GLB1: variants seen among roughly 807,000 people sequenced by gnomAD.
GLB1 encodes beta-galactosidase.
GLB1 carries 56 observed loss-of-function variants against 74.0 expected under a neutral mutation model. The ratio of observed to expected loss-of-function variants is 0.76; its 90% CI spans 0.61 to 0.94. GLB1 has a LOEUF of 0.94. Ranked by LOEUF, GLB1 falls within the 40% of genes least tolerant of loss-of-function variation. The pLI, the probability that GLB1 is intolerant of heterozygous loss-of-function variation, is 0.00. For missense variants in GLB1, 787 were observed against 845.5 expected, an observed-to-expected ratio of 0.93 and a Z score of 0.86; for synonymous variants, 323 against 323.6, an observed-to-expected ratio of 1.00 and a Z score of 0.02.
In GLB1 at chr3:33,068,856, C is replaced by A; in HGVS notation, c.360G>T (p.Leu120=). The A allele has an allele frequency of 6.2e-7, 1 of 1,614,138 alleles. No homozygotes were observed. Among genetic ancestry groups the A allele is most frequent in the Non-Finnish European group, 8.5e-7 (1 of 1,180,022 alleles). ...CTGCACAGATGTAGGGCCCGGGCCT[C>A]AGGATAACCAGCAGTCCCAGCTCAT... ...LAHELGLLVI[L]RPGPYICAEW... The change falls in exon 3 of 16, where the codon CTG becomes CTT. Residue 120 remains leucine, a synonymous_variant. Coordinates refer to ENST00000307363, the MANE Select transcript of GLB1 (RefSeq NM_000404.4).
the GLB1 span, among the ~76,000 whole-genome samples, chr3:32,989,477 C>T: frequency 6.6e-6 from 1 of 152,122 alleles, no homozygotes; most frequent in Admixed American, 6.6e-5. Context: ...GAGAGGGATG[C>T]CCAGCCTTGT....
At chr3:32,996,572 A>T (rs774652852), downstream of GLB1, 12 of 223,698 alleles carry the variant, frequency 5.4e-5, no homozygotes, top group Non-Finnish European at 8.1e-5. Flanking sequence ...TCAAATAACG[A>T]TCAGAAAAGC....
At chr3:32,976,290 A>G in the GLB1 span, among the ~76,000 whole-genome samples, 1 of 152,128 alleles carries the variant, frequency 6.6e-6, no homozygotes, top group Non-Finnish European at 1.5e-5. Context: ...GCCTCAGAAG[A>G]CTTACTGGAG....
the GLB1 span, among the ~76,000 whole-genome samples, chr3:32,969,358 AAG>A: frequency 6.6e-6 from 1 of 152,206 alleles, no homozygotes; most frequent in Non-Finnish European, 1.5e-5. Context: ...TAAAGAAAAA[AAG>A]ACTTTTAACC....
chr3:33,051,157 C>T (rs1177694102), intron 9 of GLB1, among the ~76,000 whole-genome samples: 5 of 141,868 alleles, frequency 3.5e-5, no homozygotes, highest in African/African-American at 8.1e-5. Flanking sequence ...GATGTGAACC[C>T]GGGAGGCAGA....
chr3:33,017,888 A>C (rs1697299024), intron 13 of GLB1, among the ~76,000 whole-genome samples: 1 of 152,166 alleles, frequency 6.6e-6, no homozygotes, highest in South Asian at 2.1e-4. Context: ...TGGCGCATCA[A>C]GCACAGCCCT....
chr3:33,018,763 C>T (rs749550354), intron 12 of GLB1, among the ~76,000 whole-genome samples: 23 of 152,076 alleles, frequency 1.5e-4, no homozygotes, highest in Non-Finnish European at 1.5e-4. Flanking sequence ...TAGTAAACTG[C>T]AAGGAACCAT....
chr3:33,049,782 C>A (rs1698900777), intron 9 of GLB1, among the ~76,000 whole-genome samples: 1 of 152,184 alleles, frequency 6.6e-6, no homozygotes, highest in Non-Finnish European at 1.5e-5. Flanking sequence ...TCCCCTCACC[C>A]ACCCAGACAC....
rs570577258 is a variant in GLB1, at chr3:33,024,333, C to A, written c.1069-8G>T. ...TTCTGGTACTTTTTCAAACTATAAACCAGAGTAGAAAAAGAGAGAAAAGAA... is the reference window on the plus strand; with the variant it reads ...TTCTGGTACTTTTTCAAACTATAAAACAGAGTAGAAAAAGAGAGAAAAGAA... On this transcript the variant is annotated splice_region_variant and splice_polypyrimidine_tract_variant and intron_variant, in intron 10 of 15. Transcript: ENST00000307363. 3 of 1,610,502 alleles carry A rather than the reference C, an allele frequency of 1.9e-6. No individual in the cohort carries two copies. Among genetic ancestry groups the A allele is most frequent in the African/African-American group, 1.3e-5 (1 of 74,852 alleles).
At chr3:33,035,425 CTG>C (rs1338158839) in intron 10 of GLB1, among the ~76,000 whole-genome samples, 1 of 151,020 alleles carries the variant, frequency 6.6e-6, no homozygotes, top group Non-Finnish European at 1.5e-5. Flanking sequence ...GAACAAGACA[CTG>C]TCTCAAAAAA....
intron 1 of GLB1, among the ~76,000 whole-genome samples, chr3:33,087,344 C>T (rs1376285091): frequency 1.3e-5 from 2 of 152,078 alleles, no homozygotes; most frequent in Admixed American, 6.6e-5. Flanking sequence ...GGGAAGCGGC[C>T]AGATCACTTG....
chr3:33,053,186 A>T (rs565750557), intron 7 of GLB1, among the ~76,000 whole-genome samples: 44 of 152,326 alleles, frequency 2.9e-4, no homozygotes, highest in Admixed American at 1.4e-3. Flanking sequence ...AATGGAGACA[A>T]TAAGACCACT....
At chr3:33,042,524 T>C (rs1175843947) in intron 10 of GLB1, among the ~76,000 whole-genome samples, 1 of 152,026 alleles carries the variant, frequency 6.6e-6, no homozygotes, top group African/African-American at 2.4e-5. Context: ...CCCGCCACTA[T>C]GCCCGGCTAA....
chr3:33,070,363 A>G lies in GLB1; in HGVS notation c.246-1393T>C, dbSNP rs78408967. Among the ~76,000 whole-genome samples the G allele has an allele frequency of 5.9e-3, 902 of 152,280 alleles. 4 individuals are homozygous for G. Among genetic ancestry groups the G allele is most frequent in the African/African-American group, 0.017 (712 of 41,530 alleles). On this transcript the variant is annotated intron_variant, in intron 2 of 15. Coordinates refer to ENST00000307363, the MANE Select transcript of GLB1 (RefSeq NM_000404.4). ...ATAAATTTCTAAACTGTCTATAGAG[A>G]AAGATATGGTGTAGAACCATAAACC...
intron 7 of GLB1, 66 bp downstream of exon 7, chr3:33,053,425 G>C: frequency 6.2e-7 from 1 of 1,612,546 alleles, no homozygotes; most frequent in Middle Eastern, 1.7e-4. Context: ...CTACTGCCCA[G>C]TTTCAGCAGC....
intron 10 of GLB1, among the ~76,000 whole-genome samples, chr3:33,026,508 C>T (rs371690619): frequency 4.6e-5 from 7 of 152,172 alleles, no homozygotes; most frequent in Middle Eastern, 6.8e-3. Context: ...TGGAAGGGGG[C>T]GAGTCCCTGG....
At chr3:33,063,164 G>C (rs1279568266) in intron 5 of GLB1, among the ~76,000 whole-genome samples, 1 of 151,876 alleles carries the variant, frequency 6.6e-6, no homozygotes, top group Non-Finnish European at 1.5e-5. Flanking sequence ...TGAACGATAT[G>C]AAAAAGTGCT....
chr3:33,079,677 C>T (rs764210232), intron 1 of GLB1, among the ~76,000 whole-genome samples: 10 of 152,176 alleles, frequency 6.6e-5, no homozygotes, highest in African/African-American at 1.4e-4. Flanking sequence ...TCAAATGTTA[C>T]GCAGCTCTGG....
chr3:33,034,551 A>T, intron 10 of GLB1: 1 of 725,436 alleles, frequency 1.4e-6, no homozygotes, highest in Non-Finnish European at 2.5e-6. Context: ...TGCTCCTGGG[A>T]TGGTCGTGTG....
Sources: gnomAD v4.1 joint callset for allele counts (sites outside exome capture counted in the v4.1 genomes callset) on GRCh38, gnomAD v4.1.1 for gene constraint, MANE v1.5 for transcripts, NCBI Gene and HGNC (gene_info 2026-07-23, HGNC 2026-07-21) for gene names.